The following CENPT variants were observed in gnomAD, a reference collection of about 807,000 sequenced individuals.
CENPT encodes centromere protein T, also known as interphase centromere complex protein 22.
CENPT carries 42 observed loss-of-function variants against 59.7 expected under a neutral mutation model. The ratio of observed to expected loss-of-function variants is 0.70; its 90% CI spans 0.55 to 0.91. The LOEUF (loss-of-function observed/expected upper bound fraction) is 0.91. CENPT is among the 40% of genes least tolerant of loss of function. The pLI is 0.00. For synonymous variants in CENPT, 295 were observed against 289.6 expected (o/e 1.02, Z -0.19); for missense variants, 716 against 713.4 (o/e 1.00, Z -0.04).
intron 3 of CENPT, among the ~76,000 whole-genome samples, chr16:67,834,789 G>A (rs1160656994): frequency 1.3e-5 from 2 of 152,122 alleles, no homozygotes; most frequent in Admixed American, 6.6e-5. Context: ...GCTCTCAAAA[G>A]TTCTATTAAT....
chr16:67,843,683 TAG>T lies in CENPT; in HGVS notation c.-492+3716_-492+3717del. 1.6e-6 allele frequency: 1 copy of T among 612,618 alleles called. No homozygotes were observed. The highest frequency in any genetic ancestry group is 2.9e-6 in the Non-Finnish European group (1 of 348,118). The allele number at this position is 612,618 out of a possible 1,614,324, so 37.9% of individuals were successfully genotyped here. ...CCTCCTGAAGTGGAAGCTGGGGCCT[TAG>T]ACTCTGCCCTGGTGACACCAGCAAT... On this transcript the variant is annotated intron_variant, in intron 1 of 15. Coordinates refer to ENST00000562787, the MANE Select transcript of CENPT (RefSeq NM_025082.4). The surrounding 1 kb of genome is among the most constrained non-coding windows in gnomAD (Gnocchi z 5.7).
At chr16:67,839,125 G>A (rs1201816876) in intron 1 of CENPT, among the ~76,000 whole-genome samples, 4 of 149,836 alleles carry the variant, frequency 2.7e-5, no homozygotes, top group Non-Finnish European at 4.5e-5. Context: ...GGTGGCTCAC[G>A]CCTGTAATCC....
chr16:67,842,638 G>A lies in CENPT; in HGVS notation c.-492+4763C>T, dbSNP rs773749944. On this transcript the variant is annotated intron_variant, in intron 1 of 15. Transcript: ENST00000562787. This position sits in a 1 kb window ranked among gnomAD's most constrained non-coding sequence, Gnocchi z 4.9. ...CGCTGCACTTCTACACGTTTCCAAA[G>A]GACGCTGAGTTGCGGCGCCTCTGGC... 2.8e-5 allele frequency: 43 copies of A among 1,554,194 alleles called. No homozygotes were observed. The highest frequency in any genetic ancestry group is 3.5e-5 in the Non-Finnish European group (40 of 1,148,506).
Position 67,842,460 on chromosome 16 carries a change from G to T in CENPT, c.-492+4941C>A, listed in dbSNP as rs1445798633. 6.7e-6 allele frequency: 7 copies of T among 1,037,212 alleles called. No homozygotes were observed. In the African/African-American group the frequency reaches 1.2e-4, roughly 17 times the overall value. 64.3% of individuals were successfully genotyped at this position (1,037,212 alleles called of 1,614,324 possible). ...TGGGATACCACCCAAGGCCTCGCGC[G>T]GCGCCGCCCGTCGAGGGGCGGGCGG... is the stretch of plus-strand genomic sequence containing the variant. On this transcript the variant is annotated intron_variant, in intron 1 of 15. Coordinates refer to ENST00000562787, the MANE Select transcript of CENPT (RefSeq NM_025082.4). This position sits in a 1 kb window ranked among gnomAD's most constrained non-coding sequence, Gnocchi z 4.9.
chr16:67,842,928 AG>A lies in CENPT; in HGVS notation c.-492+4472del. ...CAGCAGCAGCAGCAGCAACAGCAGC[AG>A]CAGCAGCAGCAGCAGCAGCAGTCCT... On this transcript the variant is annotated intron_variant, in intron 1 of 15. Coordinates refer to ENST00000562787, the MANE Select transcript of CENPT (RefSeq NM_025082.4). The surrounding 1 kb of genome is among the most constrained non-coding windows in gnomAD (Gnocchi z 4.9). 1 of 1,592,952 alleles carries A rather than the reference AG, an allele frequency of 6.3e-7. No individual in the cohort carries two copies.
intron 1 of CENPT, among the ~76,000 whole-genome samples, chr16:67,839,883 A>G (rs1453040366): frequency 6.6e-6 from 1 of 152,190 alleles, no homozygotes; most frequent in Non-Finnish European, 1.5e-5. Flanking sequence ...TCAAATAAAT[A>G]AATACATAAG....
rs200402335 is a variant in CENPT at position 67,830,367 on chromosome 16, G to C, written c.862+23C>G. ...CTCACCCAAGCTAAATTTGGCTCCA[G>C]GCCACCAGTGCCACACACTCACTAT... is the stretch of plus-strand genomic sequence containing the variant. On this transcript the variant is annotated intron_variant, in intron 11 of 15. Transcript: ENST00000562787. 8 of 1,584,282 alleles carry C rather than the reference G, an allele frequency of 5.0e-6. No individual in the cohort carries two copies. The Admixed American group carries it at 1.5e-4, about 30-fold the overall frequency.
Position 67,847,412 on chromosome 16 carries a change from C to G in CENPT, c.-503G>C, listed in dbSNP as rs2057812870. ...GTCCTGCTACCCACCTACGAAGGAT[C>G]CGGGGATGGGCAGCGCCACCCGGCC... On this transcript the variant is annotated 5_prime_UTR_variant, in exon 1 of 16. Coordinates refer to ENST00000562787, the MANE Select transcript of CENPT (RefSeq NM_025082.4). 6.6e-6 allele frequency: 1 copy of G among 152,306 alleles called. No individual in the cohort carries two copies. Among genetic ancestry groups the G allele is most frequent in the Admixed American group, 6.5e-5 (1 of 15,286 alleles). 9.4% of individuals were successfully genotyped at this position (152,306 alleles called of 1,614,324 possible).
chr16:67,841,010 CATATATATATATATATATATATAT>C lies in CENPT; in HGVS notation c.-491-5376_-491-5353del, dbSNP rs66882634. On this transcript the variant is annotated intron_variant, in intron 1 of 15. Transcript: ENST00000562787. ...CCCCGTCTCTACTAAATACAAAATACATATATATATATATATATATATATATATATATATATTAGCCGGGCATGG... is the reference window on the plus strand; with the variant it reads ...CCCCGTCTCTACTAAATACAAAATACATATATATATATTAGCCGGGCATGG... Among the ~76,000 whole-genome samples the C allele has an allele frequency of 2.2e-4, 24 of 109,384 alleles. No individual in the cohort carries two copies. The South Asian group carries it at 5.4e-3, about 25-fold the overall frequency. 71.8% of individuals were successfully genotyped at this position (109,384 alleles called of 152,430 possible).
rs1203512198 is a variant in CENPT, at chr16:67,844,227, CAT to C, written c.-492+3172_-492+3173del. 4 of 166,034 alleles carry C rather than the reference CAT, an allele frequency of 2.4e-5. No homozygotes were observed. The East Asian group carries it at 7.7e-4, about 32-fold the overall frequency. 10.3% of individuals were successfully genotyped at this position (166,034 alleles called of 1,614,324 possible). A position where few individuals can be genotyped will look rare whatever the true frequency, so the allele number is the denominator to read the frequency against. ...TCTCGCCATTTTATTTTTACAAAAA[CAT>C]AGTTAAATGTCCTTGAAACATGGGG... On this transcript the variant is annotated intron_variant, in intron 1 of 15. Transcript: ENST00000562787.
In CENPT at chr16:67,831,858, G is replaced by T. The variant is rs746006421; in HGVS notation, c.419C>A (p.Pro140His). 6 of 1,611,594 alleles carry T rather than the reference G, an allele frequency of 3.7e-6. No individual in the cohort carries two copies. The highest frequency in any genetic ancestry group is 5.1e-6 in the Non-Finnish European group (6 of 1,179,254). Residue 140 changes from proline (P) to histidine (H), a missense_variant, in exon 8 of 16, where the codon CCC (proline) becomes CAC (histidine). Coordinates refer to ENST00000562787, the MANE Select transcript of CENPT (RefSeq NM_025082.4). The part of the protein sequence containing the change: ...LELQLPELEP[P>H]TTLAPGLLAP... ...CAGCAGACCTGGAGCCAGGGTTGTG[G>T]GGGGCTCGAGCTCAGGAAGTTGCAG...
rs1367586405 is a variant in CENPT, at chr16:67,831,313, C to A, written c.606G>T (p.Val202=). ...TFATPLQPQS[V]QRPGLARRPP... ...GTCTGCGGGCCAAGCCAGGCCTCTG[C>A]ACTGACTGTGGCTGAAGAGGTGTGG... Residue 202 remains valine, a synonymous_variant, in exon 10 of 16, where the codon GTG becomes GTT. Transcript: ENST00000562787. The A allele has an allele frequency of 6.2e-7, 1 of 1,614,076 alleles. No homozygotes were observed. The highest frequency in any genetic ancestry group is 1.7e-5 in the Admixed American group (1 of 60,004).
At position 67,843,510 on chromosome 16, in the gene CENPT, C is replaced by A; in HGVS notation, c.-492+3891G>T. 1 of 1,596,046 alleles carries A rather than the reference C, an allele frequency of 6.3e-7. No homozygotes were observed. The highest frequency in any genetic ancestry group is 8.5e-7 in the Non-Finnish European group (1 of 1,170,476). On this transcript the variant is annotated intron_variant, in intron 1 of 15. Transcript: ENST00000562787. The surrounding 1 kb of genome is among the most constrained non-coding windows in gnomAD (Gnocchi z 5.7). ...AAGCACGGAATGTGAACTGGTGCCC[C>A]GGCAGCCTGCTGGACTCCCAGACCC...
At chr16:67,830,115 C>G in intron 11 of CENPT, 27 bp from the exon 12 acceptor site, 3 of 1,607,420 alleles carry the variant, frequency 1.9e-6, no homozygotes, top group Admixed American at 3.4e-5. Flanking sequence ...GAATACAGGC[C>G]GGAGACGCAG....
intron 3 of CENPT, among the ~76,000 whole-genome samples, chr16:67,834,755 C>G (rs1039581193): frequency 6.6e-6 from 1 of 152,136 alleles, no homozygotes; most frequent in Non-Finnish European, 1.5e-5. Context: ...TCTCCAAACA[C>G]GAGCAATTTT....
chr16:67,831,030 C>T (rs894125982), intron 10 of CENPT, 186 bp downstream of exon 10: 7 of 755,832 alleles, frequency 9.3e-6, no homozygotes, highest in African/African-American at 5.2e-5. Context: ...TGGGAGACAC[C>T]GAGGGACCAA....
rs1383934976 is a variant in CENPT at position 67,842,584 on chromosome 16, C to G, written c.-492+4817G>C. The G allele has an allele frequency of 1.3e-6, 2 of 1,544,534 alleles. No homozygotes were observed. The highest frequency in any genetic ancestry group is 1.4e-5 in the African/African-American group (1 of 72,944). On this transcript the variant is annotated intron_variant, in intron 1 of 15. Transcript: ENST00000562787. The surrounding 1 kb of genome is among the most constrained non-coding windows in gnomAD (Gnocchi z 4.9). ...CTGGCTTTACGTGCTGCGTGCCAGGCTGCTACAACAACTCGCACCGGGACA... is the reference window on the plus strand; with the variant it reads ...CTGGCTTTACGTGCTGCGTGCCAGGGTGCTACAACAACTCGCACCGGGACA...
rs2057633223 is a variant in CENPT, at chr16:67,828,524, A to G, written c.1512T>C (p.His504=). The change falls in exon 15 of 16, where the codon CAT becomes CAC. Residue 504 remains histidine, a synonymous_variant. Coordinates refer to ENST00000562787, the MANE Select transcript of CENPT (RefSeq NM_025082.4). ...CTGGCTTCACAGTCTTGCGGCCAGC[A>G]TGAGCAGCAAATACCTCCAGATCAT... ...LCDDLEVFAA[H]AGRKTVKPED... is the part of the protein sequence containing the mutation. 6.2e-7 allele frequency: 1 copy of G among 1,614,224 alleles called. No homozygotes were observed. Among genetic ancestry groups the G allele is most frequent in the South Asian group, 1.1e-5 (1 of 91,090 alleles).
intron 1 of CENPT, chr16:67,841,821 G>T (rs1337412370): frequency 1.3e-5 from 2 of 152,280 alleles, no homozygotes; most frequent in African/African-American, 2.4e-5. Flanking sequence ...CCTTCGGGGC[G>T]CCGAGGCCCA....
Sources: allele counts gnomAD v4.1 joint callset (sites outside exome capture counted in the v4.1 genomes callset), GRCh38; gene constraint gnomAD v4.1.1; non-coding constraint Gnocchi (gnomAD v3.1); transcripts MANE v1.5; gene names NCBI Gene and HGNC (gene_info 2026-07-23, HGNC 2026-07-21).